The following RGS7BP variants were observed in gnomAD, a reference collection of about 807,000 sequenced individuals.
RGS7BP encodes the protein regulator of G protein signaling 7 binding protein.
RGS7BP carries 9 observed loss-of-function variants against 31.3 expected under a neutral mutation model. That is an observed-to-expected ratio of 0.29 (90% CI 0.17 to 0.50). RGS7BP has a LOEUF of 0.50. Among genes scored for constraint, RGS7BP ranks in the 20% least tolerant of loss-of-function variants. The probability of loss-of-function intolerance (pLI) is 0.98; values close to 1 mark genes in which losing one functional copy is unlikely to be tolerated. For synonymous variants in RGS7BP, 115 were observed against 120.1 expected, an observed-to-expected ratio of 0.96 and a Z score of 0.28; for missense variants, 274 against 322.0, an observed-to-expected ratio of 0.85 and a Z score of 1.14.
chr5:64,539,150 T>G (rs551642662), intron 2 of RGS7BP, among the ~76,000 whole-genome samples: 85 of 152,350 alleles, frequency 5.6e-4, no homozygotes, highest in African/African-American at 2.0e-3. Flanking sequence ...TCTGCTTATG[T>G]GCTATTTAGC....
At chr5:64,565,711 C>G (rs576822826) in intron 2 of RGS7BP, among the ~76,000 whole-genome samples, 3 of 152,080 alleles carry the variant, frequency 2.0e-5, no homozygotes, top group South Asian at 2.1e-4. Flanking sequence ...TTGGGGATTA[C>G]AGAGATACAT....
At chr5:64,575,001 T>C (rs1272998549) in intron 2 of RGS7BP, among the ~76,000 whole-genome samples, 3 of 152,266 alleles carry the variant, frequency 2.0e-5, no homozygotes, top group East Asian at 1.9e-4. Context: ...TTTAGTTGCA[T>C]ATAAAATAAA....
chr5:64,588,629 T>G (rs1742824013), intron 3 of RGS7BP, among the ~76,000 whole-genome samples: 1 of 152,232 alleles, frequency 6.6e-6, no homozygotes, highest in African/African-American at 2.4e-5. Context: ...ATCTCATGTC[T>G]TCTTCCAGTA....
chr5:64,545,302 T>C (rs1397945354), intron 2 of RGS7BP, among the ~76,000 whole-genome samples: 1 of 151,732 alleles, frequency 6.6e-6, no homozygotes, highest in Non-Finnish European at 1.5e-5. Context: ...TTAGGAGACA[T>C]ACCTGATGTT....
chr5:64,518,561 G>C (rs1749032690), intron 2 of RGS7BP, among the ~76,000 whole-genome samples: 3 of 152,170 alleles, frequency 2.0e-5, no homozygotes, highest in African/African-American at 7.2e-5. Context: ...CTGACTCTGA[G>C]AAGGGACCAG....
At chr5:64,511,360 C>A (rs568017636) in intron 2 of RGS7BP, among the ~76,000 whole-genome samples, 1 of 152,226 alleles carries the variant, frequency 6.6e-6, no homozygotes, top group Non-Finnish European at 1.5e-5. Context: ...ACAAAGTATC[C>A]TCTGACTGTC....
At chr5:64,576,876 A>G (rs1742446148) in intron 3 of RGS7BP, among the ~76,000 whole-genome samples, 3 of 152,190 alleles carry the variant, frequency 2.0e-5, no homozygotes, top group African/African-American at 7.2e-5. Context: ...CTTCTAGAAT[A>G]CAGTGTTTTT....
intron 2 of RGS7BP, among the ~76,000 whole-genome samples, chr5:64,532,296 T>TC (rs1475128615): frequency 1.5e-5 from 2 of 136,136 alleles, no homozygotes; most frequent in Non-Finnish European, 3.1e-5. Context: ...TGTTGTAATA[T>TC]CCTTTTTTTT....
chr5:64,593,741 G>C (rs1289279111), intron 3 of RGS7BP, among the ~76,000 whole-genome samples: 1 of 152,142 alleles, frequency 6.6e-6, no homozygotes, highest in African/African-American at 2.4e-5. Flanking sequence ...CCCAGTGCTG[G>C]TAGCTGACAC....
chr5:64,553,834 T>C (rs1450478823), intron 2 of RGS7BP, among the ~76,000 whole-genome samples: 1 of 152,104 alleles, frequency 6.6e-6, no homozygotes, highest in Non-Finnish European at 1.5e-5. Flanking sequence ...CCCTCTTAAA[T>C]GTATAACTAA....
chr5:64,512,878 A>C (rs549132921), intron 2 of RGS7BP, among the ~76,000 whole-genome samples: 12 of 151,900 alleles, frequency 7.9e-5, no homozygotes, highest in Non-Finnish European at 1.8e-4. Context: ...AATTTTTTAC[A>C]TAAATCAGCC....
chr5:64,536,389 TTA>T (rs773473792), intron 2 of RGS7BP, among the ~76,000 whole-genome samples: 122 of 152,256 alleles, frequency 8.0e-4, no homozygotes, highest in Middle Eastern at 6.8e-3. Context: ...GAAAAAGAAA[TTA>T]TGTTAACTAG....
intron 2 of RGS7BP, among the ~76,000 whole-genome samples, chr5:64,515,730 A>T (rs1186576488): frequency 6.6e-6 from 1 of 151,800 alleles, no homozygotes; most frequent in Non-Finnish European, 1.5e-5. Flanking sequence ...ACACACACAC[A>T]CACATATAAT....
intron 2 of RGS7BP, among the ~76,000 whole-genome samples, chr5:64,572,724 T>C (rs1053530348): frequency 6.6e-6 from 1 of 152,114 alleles, no homozygotes; most frequent in African/African-American, 2.4e-5. Context: ...TGAGAATCTC[T>C]GTAGGTTACA....
chr5:64,538,541 C>CTT (rs761503099), intron 2 of RGS7BP, among the ~76,000 whole-genome samples: 932 of 37,488 alleles, frequency 0.025, 6 homozygotes, highest in African/African-American at 0.033. Flanking sequence ...TTTTTTTTTC[C>CTT]TTTTCTTTTT....
intron 2 of RGS7BP, among the ~76,000 whole-genome samples, chr5:64,567,567 T>C (rs961450647): frequency 7.9e-5 from 12 of 152,126 alleles, no homozygotes; most frequent in Admixed American, 2.6e-4. Flanking sequence ...ATCCATATTA[T>C]TTTTCTCAAG....
chr5:64,598,303 T>G (rs913456800), intron 4 of RGS7BP, 62 bp from the exon 5 acceptor site: 1 of 932,806 alleles, frequency 1.1e-6, no homozygotes, highest in Non-Finnish European at 1.8e-6. Context: ...TATAACAGAT[T>G]GTTTGAGATT....
intron 2 of RGS7BP, among the ~76,000 whole-genome samples, chr5:64,509,314 A>G (rs1229774385): frequency 6.6e-6 from 1 of 152,204 alleles, no homozygotes; most frequent in Non-Finnish European, 1.5e-5. Context: ...AAGGCTAAGG[A>G]GTAGCAACTC....
At chr5:64,596,885 T>A (rs16892945) in intron 4 of RGS7BP, among the ~76,000 whole-genome samples, 7,919 of 152,166 alleles carry the variant, frequency 0.052, 698 homozygotes, top group African/African-American at 0.18. Flanking sequence ...TCAACAGAAC[T>A]GTGGTGTTTT....
Sources: gnomAD v4.1 joint callset for allele counts (sites outside exome capture counted in the v4.1 genomes callset) on GRCh38, gnomAD v4.1.1 for gene constraint, MANE v1.5 for transcripts, NCBI Gene and HGNC (gene_info 2026-07-23, HGNC 2026-07-21) for gene names.